PSMD6: variants seen among roughly 807,000 people sequenced by gnomAD.
PSMD6 encodes 26S proteasome non-ATPase regulatory subunit 6.
In PSMD6, 7 loss-of-function variants were observed where a neutral mutation model predicts 44.9. The observed-to-expected ratio is 0.16, with a 90% CI of 0.09 to 0.29. PSMD6 has a LOEUF of 0.29. Ranked by LOEUF, PSMD6 falls within the 10% of genes least tolerant of loss-of-function variation. The pLI is 1.00. For synonymous variants in PSMD6, 184 were observed against 172.7 expected (o/e 1.07, Z -0.51); for missense variants, 420 against 482.6 (o/e 0.87, Z 1.21).
At chr3:64,015,026 T>G (rs906877518) in intron 5 of PSMD6, 3 of 152,144 alleles carry the variant, frequency 2.0e-5, no homozygotes, top group Non-Finnish European at 4.4e-5. Context: ...ATGGTCAACA[T>G]CAAGGCAGAT....
intron 5 of PSMD6, chr3:64,014,460 G>A (rs533651061): frequency 6.6e-6 from 1 of 152,244 alleles, no homozygotes; most frequent in East Asian, 1.9e-4. Context: ...GGGGTGGACA[G>A]GGAATACCTC....
chr3:64,019,235 T>A (rs2076093482), intron 3 of PSMD6, 61 bp downstream of exon 3: 1 of 1,511,076 alleles, frequency 6.6e-7, no homozygotes, highest in Admixed American at 1.8e-5. Flanking sequence ...GTTTCTTATA[T>A]CAGCTTCTCA....
chr3:64,013,312 A>G (rs41276489), intron 6 of PSMD6, 127 bp downstream of exon 6: 26,279 of 965,472 alleles, frequency 0.027, 523 homozygotes, highest in South Asian at 0.074. Context: ...AATACTGAGG[A>G]AAAAAACCTC....
At chr3:64,018,785 C>A in intron 4 of PSMD6, 33 bp downstream of exon 4, 2 of 1,537,918 alleles carry the variant, frequency 1.3e-6, no homozygotes, top group Admixed American at 1.8e-5. Flanking sequence ...AAAAACAAGT[C>A]TTTAAATTTG....
chr3:64,010,968 CA>C lies in PSMD6; in HGVS notation c.996-14del. The C allele has an allele frequency of 6.4e-7, 1 of 1,558,830 alleles. No individual in the cohort carries two copies. On this transcript the variant is annotated splice_polypyrimidine_tract_variant and intron_variant, in intron 6 of 7. Coordinates refer to ENST00000295901, the MANE Select transcript of PSMD6 (RefSeq NM_014814.3). ...CCTGGACAGTTCCCTAATTTAGAGA[CA>C]AAAAATAACAGAATTAGCTTTATAG...
chr3:64,017,692 C>A (rs1252966153), intron 5 of PSMD6: 1 of 152,164 alleles, frequency 6.6e-6, no homozygotes, highest in African/African-American at 2.4e-5. Flanking sequence ...TAAAGCAGCC[C>A]AATTTATATG....
At chr3:64,018,577 A>G (rs1389712929) in intron 5 of PSMD6, 22 bp downstream of exon 5, 3 of 1,493,570 alleles carry the variant, frequency 2.0e-6, no homozygotes, top group East Asian at 2.3e-5. Flanking sequence ...CAGATAATCA[A>G]AAATATCAAC....
intron 5 of PSMD6, 75 bp downstream of exon 5, chr3:64,018,524 C>T (rs1482527690): frequency 2.7e-6 from 3 of 1,097,788 alleles, no homozygotes; most frequent in African/African-American, 1.6e-5. Context: ...GGTGAAAAAT[C>T]GTCTTAGGTT....
At chr3:64,023,204 T>C in intron 1 of PSMD6, 71 bp downstream of exon 1, 1 of 1,473,592 alleles carries the variant, frequency 6.8e-7, no homozygotes, top group Non-Finnish European at 9.0e-7. Context: ...TCAAAAAAAG[T>C]CCCCGCAGGC....
intron 1 of PSMD6, 147 bp from the exon 2 acceptor site, chr3:64,022,670 T>C (rs1402380935): frequency 1.4e-5 from 22 of 1,539,372 alleles, no homozygotes; most frequent in Non-Finnish European, 1.7e-5. Flanking sequence ...CGCTTAATAA[T>C]CGGCTTGGCA....
chr3:64,019,358 A>G lies in PSMD6; in HGVS notation c.435T>C (p.Leu145=), dbSNP rs2076095555. Residue 145 remains leucine (L), a synonymous_variant, in exon 3 of 8, where the codon CTT becomes CTC. Coordinates refer to ENST00000295901, the MANE Select transcript of PSMD6 (RefSeq NM_014814.3). ...GHRLDIVFYL[L]RIGLFYMDND... is the part of the protein sequence containing the mutation. ...TATCCATATAAAATAAGCCAATCCTAAGGAGATAGAATACAATATCCAATC... is the reference window on the plus strand; with the variant it reads ...TATCCATATAAAATAAGCCAATCCTGAGGAGATAGAATACAATATCCAATC... 2 of 1,602,320 alleles carry G rather than the reference A, an allele frequency of 1.2e-6. No homozygotes were observed. The highest frequency in any genetic ancestry group is 3.3e-4 in the Middle Eastern group (2 of 6,042).
intron 5 of PSMD6, chr3:64,017,773 C>T (rs1366970546): frequency 5.9e-5 from 9 of 152,294 alleles, no homozygotes; most frequent in Admixed American, 5.2e-4. Flanking sequence ...CATTTGGAAC[C>T]GTCCATTCCC....
rs541507521 is a variant in PSMD6 at position 64,019,195 on chromosome 3, C to A, written c.497+101G>T. 1.6e-3 allele frequency: 2,289 copies of A among 1,437,308 alleles called. 3 individuals carry two copies. The highest frequency in any genetic ancestry group is 2.1e-3 in the Non-Finnish European group (2,193 of 1,044,726). The allele number at this position is 1,437,308 out of a possible 1,614,324, so 89.0% of individuals were successfully genotyped here. On this transcript the variant is annotated intron_variant, in intron 3 of 7. Transcript: ENST00000295901. ...TAAATAAGTACATCAATTATTTGAC[C>A]AAACTTACTAGCTGTAAACAAAACA... is the stretch of plus-strand genomic sequence containing the variant.
chr3:64,023,853 C>T, upstream of PSMD6: 1 of 1,463,970 alleles, frequency 6.8e-7, no homozygotes, highest in Non-Finnish European at 9.2e-7. Context: ...AAATCATCTT[C>T]ATGCTGCGAG....
intron 5 of PSMD6, chr3:64,015,252 A>G (rs1488240017): frequency 1.3e-5 from 2 of 152,240 alleles, no homozygotes; most frequent in Non-Finnish European, 2.9e-5. Context: ...GTAAACTGAC[A>G]TATCTCTGGA....
In PSMD6 at chr3:64,019,420, G is replaced by A. The variant is rs535986103; in HGVS notation, c.373C>T (p.Arg125Cys). 8 of 1,612,842 alleles carry A rather than the reference G, an allele frequency of 5.0e-6. No individual in the cohort carries two copies. Among genetic ancestry groups the A allele is most frequent in the African/African-American group, 1.3e-5 (1 of 74,932 alleles). Reference protein sequence around the residue: ...GDKEGALTAFRKTYDKTVALG... With the variant: ...GDKEGALTAFCKTYDKTVALG... Reference sequence around the variant, plus strand: ...GCCACAGTTTTGTCATATGTCTTGCGAAAGGCTGTCAGAGCTCCCTCCTGT... The same window carrying A: ...GCCACAGTTTTGTCATATGTCTTGCAAAAGGCTGTCAGAGCTCCCTCCTGT... Residue 125 changes from arginine (R) to cysteine (C), a missense_variant, in exon 3 of 8, where the codon CGC becomes TGC. By Grantham distance (180) the Arg-to-Cys change is radical. This residue lies in a region of PSMD6 where 216 missense variants were observed against 227.0 expected (regional missense o/e 0.95). Transcript: ENST00000295901.
chr3:64,011,892 C>T (rs1205070035), intron 6 of PSMD6: 1 of 152,382 alleles, frequency 6.6e-6, no homozygotes, highest in African/African-American at 2.4e-5. Context: ...CACAACAAGC[C>T]CCTCCTTCCA....
upstream of PSMD6, chr3:64,023,792 T>TA: frequency 6.8e-7 from 1 of 1,474,670 alleles, no homozygotes; most frequent in East Asian, 2.5e-5. Flanking sequence ...ACAGCATTAA[T>TA]AAAAACAATC....
chr3:64,022,008 A>G (rs2076140629), intron 2 of PSMD6, among the ~76,000 whole-genome samples: 2 of 152,226 alleles, frequency 1.3e-5, no homozygotes, highest in African/African-American at 2.4e-5. Context: ...ACCAAGTGAG[A>G]AAACTGCTGA....
Sources: gnomAD v4.1 joint callset for allele counts (sites outside exome capture counted in the v4.1 genomes callset) on GRCh38, gnomAD v4.1.1 for gene constraint, gnomAD v4.1.1 regional missense constraint, MANE v1.5 for transcripts, NCBI Gene and HGNC (gene_info 2026-07-23, HGNC 2026-07-21) for gene names.